Variants in CSMD1 observed in about 807,000 individuals in gnomAD.
CSMD1 encodes the protein CUB and Sushi multiple domains 1.
A neutral mutation model predicts 417.5 loss-of-function variants in CSMD1; 213 were observed. The observed-to-expected ratio is 0.51, with a 90% CI of 0.46 to 0.57. The LOEUF (loss-of-function observed/expected upper bound fraction) is 0.57, where lower values mean the gene tolerates loss of function less well. CSMD1 is among the 20% of genes least tolerant of loss of function. The pLI is 0.00. For missense variants in CSMD1, 6,923 were observed against 4,529.7 expected (o/e 1.53, Z -15.17); for synonymous variants, 2,862 against 1,736.8 (o/e 1.65, Z -16.11).
intron 5 of CSMD1, among the ~76,000 whole-genome samples, chr8:3,797,348 T>A (rs1348630823): frequency 6.6e-6 from 1 of 151,976 alleles, no homozygotes; most frequent in Admixed American, 6.6e-5. Flanking sequence ...CTGTTCACTG[T>A]CACAAGTAGA....
chr8:4,120,096 G>A (rs1340700852), intron 3 of CSMD1, among the ~76,000 whole-genome samples: 1 of 152,086 alleles, frequency 6.6e-6, no homozygotes, highest in Non-Finnish European at 1.5e-5. Context: ...ATGCTTGAGG[G>A]GATGGACACC....
intron 3 of CSMD1, among the ~76,000 whole-genome samples, chr8:4,189,788 T>C (rs1798905858): frequency 2.0e-5 from 3 of 152,162 alleles, no homozygotes; most frequent in Admixed American, 1.3e-4. Flanking sequence ...AAAGGATAAT[T>C]TTATCTTGTT....
At position 3,214,828 on chromosome 8, in the gene CSMD1, G is replaced by A. The variant is rs996145544; in HGVS notation, c.4673-137C>T. ...CCTAAATAAGTAAGAAATGCTCAAA[G>A]AATATTTATTGATTGGCTATTGACC... is the stretch of plus-strand genomic sequence containing the variant. On this transcript the variant is annotated intron_variant, in intron 29 of 69. Transcript: ENST00000635120. 8.0e-6 allele frequency: 4 copies of A among 500,632 alleles called. No homozygotes were observed. In the South Asian group the frequency reaches 1.7e-4, roughly 21 times the overall value. 31.0% of individuals were successfully genotyped at this position (500,632 alleles called of 1,614,324 possible). A position where few individuals can be genotyped will look rare whatever the true frequency, so the allele number is the denominator to read the frequency against.
chr8:3,757,373 G>C (rs983342581), intron 5 of CSMD1, among the ~76,000 whole-genome samples: 6 of 152,098 alleles, frequency 3.9e-5, no homozygotes, highest in African/African-American at 1.4e-4. Context: ...AATGGCAGTG[G>C]GTGTGTTCCA....
chr8:3,033,918 G>C (rs183454899), intron 50 of CSMD1, among the ~76,000 whole-genome samples: 395 of 152,294 alleles, frequency 2.6e-3, no homozygotes, highest in African/African-American at 9.0e-3. Context: ...GTTGTAACAA[G>C]GAGTTGAGTC....
At position 4,643,407 on chromosome 8, in the gene CSMD1, G is replaced by C. The variant is rs114762389; in HGVS notation, c.86-5849C>G. Among the ~76,000 whole-genome samples the C allele has an allele frequency of 3.1e-3, 471 of 152,172 alleles. 2 individuals carry two copies. Among genetic ancestry groups the C allele is most frequent in the African/African-American group, 0.011 (446 of 41,528 alleles). ...GACCTCCAAAGCATCTTTCATTTTTGACATTTTTGTAGTCAATTTCTATTG... is the reference window on the plus strand; with the variant it reads ...GACCTCCAAAGCATCTTTCATTTTTCACATTTTTGTAGTCAATTTCTATTG... On this transcript the variant is annotated intron_variant, in intron 1 of 69. Coordinates refer to ENST00000635120, the MANE Select transcript of CSMD1 (RefSeq NM_033225.6).
intron 33 of CSMD1, among the ~76,000 whole-genome samples, chr8:3,194,932 G>A (rs1215632125): frequency 1.3e-5 from 2 of 152,104 alleles, no homozygotes; most frequent in Non-Finnish European, 2.9e-5. Context: ...CGGAAAACAT[G>A]ACTTGAAAAA....
At chr8:4,306,564 G>T (rs1383257092) in intron 3 of CSMD1, among the ~76,000 whole-genome samples, 2 of 152,050 alleles carry the variant, frequency 1.3e-5, no homozygotes, top group Non-Finnish European at 2.9e-5. Flanking sequence ...CAAAAAAACA[G>T]CTCCCTGCCC....
At chr8:3,844,084 C>G (rs1053416020) in intron 5 of CSMD1, among the ~76,000 whole-genome samples, 1 of 152,196 alleles carries the variant, frequency 6.6e-6, no homozygotes, top group African/African-American at 2.4e-5. Flanking sequence ...ACAAGGCCAT[C>G]TAAACCTGCC....
At chr8:4,720,938 T>G (rs1187849927) in intron 1 of CSMD1, among the ~76,000 whole-genome samples, 1 of 152,146 alleles carries the variant, frequency 6.6e-6, no homozygotes. Context: ...GAATCTACAA[T>G]TCACCAGCTC....
intron 3 of CSMD1, among the ~76,000 whole-genome samples, chr8:4,265,134 A>G (rs968784262): frequency 1.3e-5 from 2 of 152,176 alleles, no homozygotes; most frequent in African/African-American, 2.4e-5. Flanking sequence ...CTCTAACTTA[A>G]TTTGACCTCG....
intron 3 of CSMD1, among the ~76,000 whole-genome samples, chr8:4,411,128 C>T (rs1468081286): frequency 2.6e-5 from 4 of 152,124 alleles, no homozygotes; most frequent in African/African-American, 9.7e-5. Flanking sequence ...TCCCAACCTC[C>T]ATAACCATGA....
At chr8:3,295,321 T>A (rs1803886400) in intron 25 of CSMD1, among the ~76,000 whole-genome samples, 1 of 151,892 alleles carries the variant, frequency 6.6e-6, no homozygotes, top group Admixed American at 6.6e-5. Flanking sequence ...AGACACGGGG[T>A]TTCACTGTGT....
In CSMD1 at chr8:4,267,352, A is replaced by G. The variant is rs963290418; in HGVS notation, c.415+152601T>C. Among the ~76,000 whole-genome samples, 12 of 107,700 alleles carry G rather than the reference A, an allele frequency of 1.1e-4. 1 individual carries two copies. Among genetic ancestry groups the G allele is most frequent in the African/African-American group, 2.6e-4 (10 of 38,940 alleles). 70.7% of individuals were successfully genotyped at this position (107,700 alleles called of 152,430 possible). On this transcript the variant is annotated intron_variant, in intron 3 of 69. Transcript: ENST00000635120. Reference sequence around the variant, plus strand: ...ATAGCAATTAGGATGAAAAAGTAACAATAAGAGTTTAAAAGGGAGTCTTAG... The same window carrying G: ...ATAGCAATTAGGATGAAAAAGTAACGATAAGAGTTTAAAAGGGAGTCTTAG...
chr8:3,597,269 C>T (rs900214), intron 8 of CSMD1, among the ~76,000 whole-genome samples: 16,321 of 152,080 alleles, frequency 0.11, 1,420 homozygotes, highest in African/African-American at 0.22. Context: ...ACCGGTGAGA[C>T]AGAGCATCTC....
intron 5 of CSMD1, among the ~76,000 whole-genome samples, chr8:3,942,718 T>C (rs1453977150): frequency 1.6e-4 from 25 of 152,202 alleles, no homozygotes; most frequent in Admixed American, 1.5e-3. Context: ...GTTCTTAATA[T>C]AACATACGCT....
chr8:4,729,220 G>A (rs1359910372), intron 1 of CSMD1, among the ~76,000 whole-genome samples: 2 of 152,028 alleles, frequency 1.3e-5, no homozygotes, highest in Non-Finnish European at 2.9e-5. Flanking sequence ...AATAAAGAGG[G>A]CATTATCACA....
intron 3 of CSMD1, among the ~76,000 whole-genome samples, chr8:4,208,057 T>G (rs190793779): frequency 1.2e-4 from 19 of 152,300 alleles, no homozygotes; most frequent in Admixed American, 1.2e-3. Flanking sequence ...GGTAATTCAC[T>G]TTTGTTCAGA....
chr8:4,229,020 A>G (rs1196513868), intron 3 of CSMD1, among the ~76,000 whole-genome samples: 6 of 152,136 alleles, frequency 3.9e-5, no homozygotes, highest in African/African-American at 1.4e-4. Context: ...ATTGAGACAC[A>G]TATATCCGAC....
Sources: allele counts gnomAD v4.1 joint callset (sites outside exome capture counted in the v4.1 genomes callset), GRCh38; gene constraint gnomAD v4.1.1; transcripts MANE v1.5; gene names NCBI Gene and HGNC (gene_info 2026-07-23, HGNC 2026-07-21).